The following TNRC6C variants were observed in gnomAD, a reference collection of about 807,000 sequenced individuals.
The protein encoded by TNRC6C is trinucleotide repeat-containing gene 6C protein.
A neutral mutation model predicts 153.7 loss-of-function variants in TNRC6C; 20 were observed. The observed-to-expected ratio is 0.13, with a 90% CI of 0.09 to 0.19. The LOEUF (loss-of-function observed/expected upper bound fraction) is 0.19. Ranked by LOEUF, TNRC6C falls within the 10% of genes least tolerant of loss-of-function variation. TNRC6C has a pLI of 1.00. For synonymous variants in TNRC6C, 811 were observed against 841.4 expected (o/e 0.96, Z 0.63); for missense variants, 1,987 against 2,172.0 (o/e 0.91, Z 1.69).
rs76122964 is a variant in TNRC6C, at chr17:78,093,955, T to C, written c.4306+192T>C. Among the ~76,000 whole-genome samples the C allele has an allele frequency of 9.5e-3, 1,437 of 151,914 alleles. 24 individuals are homozygous for C. The highest frequency in any genetic ancestry group is 0.032 in the African/African-American group (1,333 of 41,374). The stretch of plus-strand genomic sequence containing the variant: ...ATGGAGAAATGGAAATCAATTTGAG[T>C]TTCTGCTGGATTTTTTATTATTATT... On this transcript the variant is annotated intron_variant, in intron 16 of 19. Coordinates refer to ENST00000301624, the Ensembl canonical transcript of TNRC6C.
At chr17:78,087,161 C>T in intron 13 of TNRC6C, 68 bp downstream of exon 15, 1 of 1,563,590 alleles carries the variant, frequency 6.4e-7, no homozygotes, top group East Asian at 2.3e-5. Flanking sequence ...TATGTGGTAG[C>T]CAGGGCAGCA....
chr17:78,089,132 T>G (rs2073351573), intron 13 of TNRC6C, among the ~76,000 whole-genome samples: 1 of 152,006 alleles, frequency 6.6e-6, no homozygotes, highest in South Asian at 2.1e-4. Context: ...CACGCCTGGC[T>G]AATTTTTGTA....
At chr17:78,093,793 T>C in intron 16 of TNRC6C, 30 bp downstream of exon 18, 1 of 1,612,894 alleles carries the variant, frequency 6.2e-7, no homozygotes, top group Non-Finnish European at 8.5e-7. Context: ...TGCCTCTGCA[T>C]GGACGGTCTC....
Position 78,067,755 on chromosome 17 carries a change from A to C in TNRC6C, c.2612-2A>C. On this transcript the variant is annotated splice_acceptor_variant, in intron 4 of 19. Transcript: ENST00000301624. LOFTEE classifies it high-confidence loss of function. ...ATAAGTTCATGTTTGCTCTGTTTCT[A>C]GCTTCAAAATCTATGCAAGAAGGCT... The C allele has an allele frequency of 6.2e-7, 1 of 1,603,834 alleles. No individual in the cohort carries two copies. Among genetic ancestry groups the C allele is most frequent in the Non-Finnish European group, 8.5e-7 (1 of 1,176,438 alleles).
chr17:78,051,348 C>T (rs1250227505), exon 3 of TNRC6C: 8 of 1,551,332 alleles, frequency 5.2e-6, no homozygotes, highest in African/African-American at 2.7e-5. Flanking sequence ...ATACCACCAC[C>T]ACCACCACCA....
chr17:78,099,909 T>C (rs533095943), intron 17 of TNRC6C, among the ~76,000 whole-genome samples: 6 of 152,292 alleles, frequency 3.9e-5, no homozygotes, highest in Admixed American at 2.0e-4. Flanking sequence ...GGTACAGGCA[T>C]TGGGTAAATA....
intron 2 of TNRC6C, among the ~76,000 whole-genome samples, chr17:78,032,560 T>C (rs1190709613): frequency 6.6e-6 from 1 of 152,246 alleles, no homozygotes; most frequent in African/African-American, 2.4e-5. Flanking sequence ...ATGTTCTCTG[T>C]TAGATTCTTC....
intron 1 of TNRC6C, among the ~76,000 whole-genome samples, chr17:77,976,931 GAAAAAAAAAAAAA>G (rs57726847): frequency 2.4e-4 from 11 of 46,582 alleles, no homozygotes; most frequent in East Asian, 7.4e-4. Flanking sequence ...CTCCATCTCA[GAAAAAAAAAAAAA>G]AAAAAAAAAA....
At chr17:77,990,544 C>T (rs2071234698) in intron 1 of TNRC6C, among the ~76,000 whole-genome samples, 1 of 152,058 alleles carries the variant, frequency 6.6e-6, no homozygotes, top group African/African-American at 2.4e-5. Context: ...GTTGTGCCAC[C>T]AGGTCTCCTT....
At chr17:78,003,784 C>G (rs1295552057), upstream of TNRC6C, among the ~76,000 whole-genome samples, 1 of 152,130 alleles carries the variant, frequency 6.6e-6, no homozygotes, top group African/African-American at 2.4e-5. Flanking sequence ...TAAAGCATGG[C>G]CAGGCTTGGT....
intron 1 of TNRC6C, among the ~76,000 whole-genome samples, chr17:77,997,916 C>CG (rs1307813363): frequency 1.3e-5 from 2 of 152,048 alleles, no homozygotes; most frequent in African/African-American, 4.8e-5. Flanking sequence ...GGCCTCCCAA[C>CG]GTGCTGGGAT....
intron 1 of TNRC6C, among the ~76,000 whole-genome samples, chr17:77,977,883 T>C (rs556854783): frequency 7.1e-4 from 107 of 150,306 alleles, no homozygotes; most frequent in African/African-American, 2.4e-3. Context: ...ATTTTTTCTT[T>C]AAAACCTCTT....
intron 9 of TNRC6C, chr17:78,077,900 A>G (rs541005150): frequency 6.4e-6 from 1 of 156,050 alleles, no homozygotes; most frequent in Non-Finnish European, 1.4e-5. Context: ...TTGCCACTTC[A>G]TCTCACTTTT....
chr17:78,071,390 G>A (rs1004316510), intron 6 of TNRC6C, among the ~76,000 whole-genome samples: 1 of 152,168 alleles, frequency 6.6e-6, no homozygotes, highest in African/African-American at 2.4e-5. Context: ...CTATCAAAAA[G>A]GGTGTGAGAG....
At chr17:78,057,452 G>A (rs1161723300) in intron 3 of TNRC6C, among the ~76,000 whole-genome samples, 1 of 152,254 alleles carries the variant, frequency 6.6e-6, no homozygotes, top group Admixed American at 6.5e-5. Flanking sequence ...ACAGCATGCA[G>A]GAGTGGCATT....
In TNRC6C at chr17:78,104,664, G is replaced by C. The variant is rs1434038403; in HGVS notation, c.4892G>C (p.Gly1631Ala). The change falls in exon 20 of 20, where the codon GGC becomes GCC. Residue 1631 changes from glycine (G) to alanine (A), a missense_variant. Around this residue, in one of 4 missense-constraint regions of TNRC6C, gnomAD observed 139 missense variants for 148.5 expected, o/e 0.94. Transcript: ENST00000301624. The surrounding 1 kb of genome is among the most constrained non-coding windows in gnomAD (Gnocchi z 6.2). ...CATGGCCTGGTACGCAGCGACGCTG[G>C]CCACTGGAACGCCCCGTGCCTGGGT... 1 of 1,543,904 alleles carries C rather than the reference G, an allele frequency of 6.5e-7. No individual in the cohort carries two copies. Among genetic ancestry groups the C allele is most frequent in the African/African-American group, 1.4e-5 (1 of 72,828 alleles).
intron 3 of TNRC6C, among the ~76,000 whole-genome samples, chr17:78,054,779 T>G (rs781348935): frequency 1.4e-4 from 18 of 132,914 alleles, no homozygotes; most frequent in Non-Finnish European, 2.1e-4. Flanking sequence ...CTACTATACA[T>G]TACTGCAGAC....
At chr17:78,008,168 A>G (rs568342760) in intron 1 of TNRC6C, among the ~76,000 whole-genome samples, 5 of 152,324 alleles carry the variant, frequency 3.3e-5, no homozygotes, top group African/African-American at 1.2e-4. Context: ...TTAAAAGACT[A>G]ATGCCGAACT....
chr17:77,990,112 C>G (rs1598655264), intron 1 of TNRC6C, among the ~76,000 whole-genome samples: 1 of 152,176 alleles, frequency 6.6e-6, no homozygotes, highest in Non-Finnish European at 1.5e-5. Flanking sequence ...CTTGACACCT[C>G]CCTCTCCCTT....
Sources: allele counts gnomAD v4.1 joint callset (sites outside exome capture counted in the v4.1 genomes callset), GRCh38; gene constraint gnomAD v4.1.1; regional missense constraint gnomAD v4.1.1; non-coding constraint Gnocchi (gnomAD v3.1); transcripts MANE v1.5; gene names NCBI Gene and HGNC (gene_info 2026-07-23, HGNC 2026-07-21).